MATCAP2: variants seen among roughly 807,000 people sequenced by gnomAD.
MATCAP2 encodes the protein microtubule associated tyrosine carboxypeptidase 2, also known as putative tyrosine carboxypeptidase MATCAP2.
the MATCAP2 span, chr7:36,357,190 C>T: frequency 1.2e-6 from 2 of 1,614,160 alleles, no homozygotes; most frequent in South Asian, 1.1e-5. Context: ...CTATGCCATT[C>T]CCTGTAACAG....
the MATCAP2 span, among the ~76,000 whole-genome samples, chr7:36,340,115 C>A: frequency 2.6e-5 from 4 of 152,180 alleles, no homozygotes; most frequent in African/African-American, 9.7e-5. Context: ...CTGCCTGTCT[C>A]GGCCTCCTAA....
At chr7:36,390,014 G>A in the MATCAP2 span, 2 of 1,614,072 alleles carry the variant, frequency 1.2e-6, no homozygotes, top group South Asian at 2.2e-5. Context: ...CTCGTAGTCC[G>A]ACGCCTGGGG....
the MATCAP2 span, among the ~76,000 whole-genome samples, chr7:36,375,903 T>C: frequency 6.6e-6 from 1 of 152,250 alleles, no homozygotes; most frequent in Non-Finnish European, 1.5e-5. Context: ...TCTCTGATGG[T>C]AGTTTGTATT....
chr7:36,364,573 T>C, the MATCAP2 span, among the ~76,000 whole-genome samples: 1 of 152,234 alleles, frequency 6.6e-6, no homozygotes, highest in South Asian at 2.1e-4. Flanking sequence ...TGTTCTATAT[T>C]TGTAACGACT....
chr7:36,383,858 C>T, the MATCAP2 span: 1 of 1,595,664 alleles, frequency 6.3e-7, no homozygotes, highest in Non-Finnish European at 8.6e-7. Flanking sequence ...AGCCAAATAA[C>T]CTGAGGTAGA....
At chr7:36,332,786 G>A in the MATCAP2 span, among the ~76,000 whole-genome samples, 1 of 152,192 alleles carries the variant, frequency 6.6e-6, no homozygotes. Flanking sequence ...AATTAGCTGG[G>A]CATATTGGTG....
chr7:36,380,833 G>T, the MATCAP2 span, among the ~76,000 whole-genome samples: 1 of 152,186 alleles, frequency 6.6e-6, no homozygotes, highest in Non-Finnish European at 1.5e-5. Context: ...AGGTTCAAGC[G>T]AGTCTCCTGC....
the MATCAP2 span, among the ~76,000 whole-genome samples, chr7:36,382,629 A>T: frequency 2.0e-4 from 30 of 151,982 alleles, no homozygotes; most frequent in Non-Finnish European, 3.4e-4. Flanking sequence ...AGTAGCTGGG[A>T]CTACAGGTGC....
the MATCAP2 span, among the ~76,000 whole-genome samples, chr7:36,351,134 C>T: frequency 4.6e-5 from 7 of 152,300 alleles, no homozygotes; most frequent in South Asian, 2.1e-4. Flanking sequence ...TGGTAGCTCA[C>T]GCCTGTAATC....
At chr7:36,384,959 T>A in the MATCAP2 span, among the ~76,000 whole-genome samples, 1 of 152,000 alleles carries the variant, frequency 6.6e-6, no homozygotes, top group African/African-American at 2.4e-5. Context: ...CTTGTAGGTA[T>A]GATAAGGATA....
chr7:36,367,019 C>G, the MATCAP2 span: 1 of 1,286,658 alleles, frequency 7.8e-7, no homozygotes, highest in Non-Finnish European at 9.8e-7. Context: ...CCTCTAGCCT[C>G]TGACCCGGGC....
At chr7:36,382,265 A>G in the MATCAP2 span, among the ~76,000 whole-genome samples, 3 of 143,298 alleles carry the variant, frequency 2.1e-5, no homozygotes, top group African/African-American at 7.8e-5. Flanking sequence ...AGAGTTGTGC[A>G]ACTGCACTCC....
the MATCAP2 span, chr7:36,324,401 T>TAACA: frequency 2.6e-5 from 4 of 152,234 alleles, no homozygotes; most frequent in African/African-American, 4.8e-5. Context: ...TGTTAAAACC[T>TAACA]AACAGTTTAC....
chr7:36,355,459 C>G, the MATCAP2 span: 2 of 152,158 alleles, frequency 1.3e-5, no homozygotes, highest in Non-Finnish European at 2.9e-5. Context: ...ACAATCTCAG[C>G]ACATTTTTTA....
At chr7:36,332,907 A>G in the MATCAP2 span, among the ~76,000 whole-genome samples, 5 of 152,190 alleles carry the variant, frequency 3.3e-5, no homozygotes, top group Non-Finnish European at 7.3e-5. Flanking sequence ...AGACTAGGTG[A>G]TAAGAGTCAT....
the MATCAP2 span, among the ~76,000 whole-genome samples, chr7:36,384,398 C>T: frequency 6.6e-6 from 1 of 152,014 alleles, no homozygotes; most frequent in African/African-American, 2.4e-5. Context: ...TAGGCCAATC[C>T]CTTAGCCTCT....
chr7:36,367,459 G>A, the MATCAP2 span, among the ~76,000 whole-genome samples: 1 of 152,152 alleles, frequency 6.6e-6, no homozygotes, highest in Non-Finnish European at 1.5e-5. Context: ...TTTCAGAGAC[G>A]TTTGTACCCG....
the MATCAP2 span, among the ~76,000 whole-genome samples, chr7:36,332,066 G>C: frequency 6.6e-6 from 1 of 152,018 alleles, no homozygotes; most frequent in Non-Finnish European, 1.5e-5. Flanking sequence ...TATTACTGGA[G>C]TTCAGCATAT....
the MATCAP2 span, among the ~76,000 whole-genome samples, chr7:36,379,808 G>T: frequency 7.8e-6 from 1 of 128,336 alleles, no homozygotes; most frequent in Non-Finnish European, 1.6e-5. Flanking sequence ...TAACACAATG[G>T]TAAGTACACA....
Sources: allele counts gnomAD v4.1 joint callset (sites outside exome capture counted in the v4.1 genomes callset), GRCh38; gene constraint gnomAD v4.1.1; transcripts MANE v1.5; gene names NCBI Gene and HGNC (gene_info 2026-07-23, HGNC 2026-07-21).